The following ZGRF1 variants were observed in gnomAD, a reference collection of about 807,000 sequenced individuals.
ZGRF1 encodes the protein zinc finger GRF-type containing 1, also known as 5'-3' DNA helicase ZGRF1.
A neutral mutation model predicts 203.5 loss-of-function variants in ZGRF1; 196 were observed. That is an observed-to-expected ratio of 0.96 (90% confidence interval 0.86 to 1.08). ZGRF1 has a LOEUF of 1.08. Ranked by LOEUF, ZGRF1 falls within the 50% of genes least tolerant of loss-of-function variation. The pLI is 0.00. For missense variants in ZGRF1, 2,326 were observed against 2,416.3 expected, an observed-to-expected ratio of 0.96 and a Z score of 0.78; for synonymous variants, 809 against 841.3, an observed-to-expected ratio of 0.96 and a Z score of 0.66.
chr4:112,623,669 T>C (rs2047135729), intron 4 of ZGRF1, 148 bp downstream of exon 4: 6 of 566,096 alleles, frequency 1.1e-5, no homozygotes, highest in East Asian at 3.2e-5. Context: ...AAACAATATC[T>C]AAAAGGTTTT....
intron 17 of ZGRF1, 80 bp from the exon 18 acceptor site, chr4:112,562,565 C>T: frequency 1.2e-6 from 1 of 821,756 alleles, no homozygotes; most frequent in Non-Finnish European, 2.0e-6. Flanking sequence ...GCCCACATAA[C>T]TCAGAGTTCA....
rs1741274173 is a variant in ZGRF1 at position 112,558,087 on chromosome 4, T to C, written c.5120+63A>G. On this transcript the variant is annotated intron_variant, in intron 20 of 27. Transcript: ENST00000505019. ...GTACATGGACACTCAGGGCCCATAGTGGGTTGCCTCTCTCAACAATATCCC... is the reference window on the plus strand; with the variant it reads ...GTACATGGACACTCAGGGCCCATAGCGGGTTGCCTCTCTCAACAATATCCC... The C allele has an allele frequency of 2.9e-6, 4 of 1,365,284 alleles. No homozygotes were observed. The South Asian group carries it at 5.2e-5, about 18-fold the overall frequency. The allele number at this position is 1,365,284 out of a possible 1,614,324, so 84.6% of individuals were successfully genotyped here.
chr4:112,554,684 T>G, intron 21 of ZGRF1, 21 bp downstream of exon 21: 1 of 1,278,804 alleles, frequency 7.8e-7, no homozygotes, highest in Non-Finnish European at 1.1e-6. Context: ...TTCTGTGACT[T>G]CTGGAATTTT....
intron 16 of ZGRF1, among the ~76,000 whole-genome samples, chr4:112,567,440 A>G (rs984277459): frequency 6.6e-6 from 1 of 152,176 alleles, no homozygotes; most frequent in Admixed American, 6.5e-5. Flanking sequence ...TTGGCCTGAT[A>G]AAGAGATGTA....
intron 6 of ZGRF1, among the ~76,000 whole-genome samples, chr4:112,613,089 TTCAAGA>T (rs1284140784): frequency 6.6e-6 from 1 of 152,254 alleles, no homozygotes; most frequent in East Asian, 1.9e-4. Context: ...AGGCCAGGAT[TTCAAGA>T]CCAGCCTGGC....
At position 112,620,017 on chromosome 4, in the gene ZGRF1, T is replaced by C; in HGVS notation, c.336A>G (p.Leu112=). ...GRSLGCQPSG[L]KRKFTGFQGP... ...CAAAACTTACAGTAAACTTCCTTTTTAAGCCAGAGGGCTGACATCCAAGAG... is the reference window on the plus strand; with the variant it reads ...CAAAACTTACAGTAAACTTCCTTTTCAAGCCAGAGGGCTGACATCCAAGAG... The change falls in exon 5 of 28, where the codon TTA becomes TTG. Residue 112 remains leucine, a synonymous_variant. Transcript: ENST00000505019. 3.8e-6 allele frequency: 6 copies of C among 1,579,958 alleles called. No individual in the cohort carries two copies. Among genetic ancestry groups the C allele is most frequent in the Non-Finnish European group, 5.1e-6 (6 of 1,169,260 alleles).
chr4:112,548,248 G>A lies in ZGRF1; in HGVS notation c.5474+5C>T, dbSNP rs1226460259. The stretch of plus-strand genomic sequence containing the variant: ...TACCCCTGGGGAAAGAATCTTTTAG[G>A]TTACCTTGCAATGGGAAGGAGAGAG... On this transcript the variant is annotated splice_donor_5th_base_variant and intron_variant, in intron 23 of 27. Transcript: ENST00000505019. 1.3e-6 allele frequency: 2 copies of A among 1,551,676 alleles called. No individual in the cohort carries two copies. Among genetic ancestry groups the A allele is most frequent in the African/African-American group, 2.7e-5 (2 of 72,978 alleles).
rs148022472 is a variant in ZGRF1, at chr4:112,553,836, T to C, written c.5345A>G (p.Gln1782Arg). The C allele has an allele frequency of 2.5e-6, 4 of 1,600,434 alleles. No homozygotes were observed. The highest frequency in any genetic ancestry group is 2.7e-5 in the African/African-American group (2 of 73,994). ...CAAATTGAAGCTACTACTTCTTACCTGCTTCAGCAGGGTTCTATTGGTCCC... is the reference window on the plus strand; with the variant it reads ...CAAATTGAAGCTACTACTTCTTACCCGCTTCAGCAGGGTTCTATTGGTCCC... ...KLGTNRTLLKQVRVVGVTCAA... is the reference protein window; with the variant it reads ...KLGTNRTLLKRVRVVGVTCAA... The change falls in exon 22 of 28, where the codon CAG becomes CGG. Residue 1782 changes from glutamine (Q) to arginine (R), a missense_variant and splice_region_variant. Gln to Arg is a conservative substitution (Grantham distance 43). Coordinates refer to ENST00000505019, the MANE Select transcript of ZGRF1 (RefSeq NM_018392.5).
chr4:112,623,928 C>A, intron 3 of ZGRF1, 52 bp from the exon 4 acceptor site: 1 of 896,480 alleles, frequency 1.1e-6, no homozygotes. Flanking sequence ...TTATGCTTTT[C>A]TTAAACTTCT....
chr4:112,568,711 CA>C (rs76531414), intron 16 of ZGRF1, among the ~76,000 whole-genome samples: 5,306 of 42,776 alleles, frequency 0.12, 52 homozygotes, highest in African/African-American at 0.18. Flanking sequence ...AACTCTGTCT[CA>C]AAAAAAAAAA....
At chr4:112,603,447 C>T in intron 10 of ZGRF1, 77 bp downstream of exon 10, 1 of 1,005,230 alleles carries the variant, frequency 9.9e-7, no homozygotes, top group Non-Finnish European at 1.5e-6. Context: ...GTATAAACAA[C>T]TATACTATTT....
chr4:112,607,209 T>C (rs891909257), intron 8 of ZGRF1, among the ~76,000 whole-genome samples: 1 of 152,160 alleles, frequency 6.6e-6, no homozygotes, highest in Non-Finnish European at 1.5e-5. Flanking sequence ...ACTGAAGCCT[T>C]GACCTCTGGG....
At chr4:112,624,666 G>GGGGAA (rs943915662) in intron 3 of ZGRF1, among the ~76,000 whole-genome samples, 36 of 151,346 alleles carry the variant, frequency 2.4e-4, no homozygotes, top group African/African-American at 8.8e-4. Flanking sequence ...AGGGGTAAGG[G>GGGGAA]GGGAAAAAGG....
chr4:112,626,668 A>G (rs1169156742), intron 3 of ZGRF1, among the ~76,000 whole-genome samples: 4 of 152,192 alleles, frequency 2.6e-5, no homozygotes, highest in East Asian at 3.9e-4. Context: ...ATCCACTCCA[A>G]TAGTTTCAAA....
intron 20 of ZGRF1, 49 bp downstream of exon 20, chr4:112,558,101 C>T (rs770920165): frequency 6.5e-7 from 1 of 1,540,722 alleles, no homozygotes; most frequent in South Asian, 1.2e-5. Context: ...TTGCCTCTCT[C>T]AACAATATCC....
chr4:112,563,256 G>T lies in ZGRF1; in HGVS notation c.4457C>A (p.Ser1486Ter). 1 of 1,550,904 alleles carries T rather than the reference G, an allele frequency of 6.4e-7. No individual in the cohort carries two copies. The highest frequency in any genetic ancestry group is 1.2e-5 in the South Asian group (1 of 83,978). The change falls in exon 17 of 28, where the codon TCA (serine) becomes TAA (stop). Residue 1486 changes from serine to a stop codon, truncating the protein, a stop_gained. Coordinates refer to ENST00000505019, the MANE Select transcript of ZGRF1 (RefSeq NM_018392.5). LOFTEE classifies it high-confidence loss of function. ...ATCCAGCTCAAAGTCTAGGGTTTTTGAAACCACCCAAAGATCATCTGAAAA... is the reference window on the plus strand; with the variant it reads ...ATCCAGCTCAAAGTCTAGGGTTTTTTAAACCACCCAAAGATCATCTGAAAA... ...AYSKNDLWVV[S>*]KTLDFELDTF...
chr4:112,561,995 C>T lies in ZGRF1; in HGVS notation c.4697+376G>A, dbSNP rs187487111. On this transcript the variant is annotated intron_variant, in intron 18 of 27. Transcript: ENST00000505019. Reference sequence around the variant, plus strand: ...ATGGCACCCGGCTCACCGCAACCTCCGCCTCCCAGGTTCAAGCAATTCTCC... The same window carrying T: ...ATGGCACCCGGCTCACCGCAACCTCTGCCTCCCAGGTTCAAGCAATTCTCC... Among the ~76,000 whole-genome samples the T allele has an allele frequency of 1.3e-3, 200 of 148,396 alleles. 1 individual carries two copies. Among genetic ancestry groups the T allele is most frequent in the African/African-American group, 4.6e-3 (186 of 40,382 alleles).
Position 112,618,686 on chromosome 4 carries a change from T to G in ZGRF1, c.1356A>C (p.Ser452=). 1.2e-6 allele frequency: 2 copies of G among 1,612,550 alleles called. No homozygotes were observed. The highest frequency in any genetic ancestry group is 2.2e-5 in the East Asian group (1 of 44,844). ...CCTGAGCATTTTCTTTAATGAGAAC[T>G]GATCCTTTAATGCACCCCTTGTCAT... ...NQNDKGCIKG[S]VLIKENAQEV... Residue 452 remains serine (S), a synonymous_variant, in exon 6 of 28, where the codon TCA becomes TCC. Transcript: ENST00000505019.
chr4:112,587,274 C>G lies in ZGRF1; in HGVS notation c.3777+6G>C, dbSNP rs557204493. On this transcript the variant is annotated splice_donor_region_variant and intron_variant, in intron 12 of 27. Coordinates refer to ENST00000505019, the MANE Select transcript of ZGRF1 (RefSeq NM_018392.5). ...AATGCACCACAAGACCGGTACATTT[C>G]CTCACCTGTAAATCCTTTACACTGT... The G allele has an allele frequency of 5.7e-6, 9 of 1,591,392 alleles. No homozygotes were observed. Among genetic ancestry groups the G allele is most frequent in the Middle Eastern group, 2.1e-4 (1 of 4,670 alleles).
Sources: allele counts gnomAD v4.1 joint callset (sites outside exome capture counted in the v4.1 genomes callset), GRCh38; gene constraint gnomAD v4.1.1; transcripts MANE v1.5; gene names NCBI Gene and HGNC (gene_info 2026-07-23, HGNC 2026-07-21).